Variants in LMBRD1 observed in about 807,000 individuals in gnomAD.
LMBRD1 encodes LMBR1 domain containing 1, also known as lysosomal cobalamin transport escort protein LMBD1.
Under a neutral mutation model 74.8 loss-of-function variants are expected in LMBRD1, and 64 were observed. That is an observed-to-expected ratio of 0.86 (90% confidence interval 0.70 to 1.05). The LOEUF is 1.05. Among genes scored for constraint, LMBRD1 ranks in the 50% least tolerant of loss-of-function variants. The pLI, the probability that LMBRD1 is intolerant of heterozygous loss-of-function variation, is 0.00. For synonymous variants in LMBRD1, 204 were observed against 216.3 expected, an observed-to-expected ratio of 0.94 and a Z score of 0.50; for missense variants, 652 against 645.9, an observed-to-expected ratio of 1.01 and a Z score of -0.10.
chr6:69,755,473 C>T (rs1343791843), intron 3 of LMBRD1, among the ~76,000 whole-genome samples: 1 of 151,656 alleles, frequency 6.6e-6, no homozygotes, highest in Non-Finnish European at 1.5e-5. Flanking sequence ...GGACAAATAC[C>T]TAATGCATGC....
chr6:69,777,503 G>A (rs1765730794), intron 3 of LMBRD1, among the ~76,000 whole-genome samples: 2 of 151,118 alleles, frequency 1.3e-5, no homozygotes, highest in Admixed American at 6.6e-5. Context: ...GGAGTTCAGT[G>A]CTGCTAATCC....
At chr6:69,716,472 T>A (rs1043340786) in intron 8 of LMBRD1, among the ~76,000 whole-genome samples, 2 of 152,166 alleles carry the variant, frequency 1.3e-5, no homozygotes, top group Admixed American at 6.6e-5. Context: ...CTTCTCTTTT[T>A]ATATTTATTT....
chr6:69,714,759 T>C (rs145906317), intron 8 of LMBRD1, among the ~76,000 whole-genome samples: 82 of 152,226 alleles, frequency 5.4e-4, no homozygotes, highest in African/African-American at 1.9e-3. Flanking sequence ...TAACCTTTAA[T>C]AAAGAGATTT....
At chr6:69,776,160 T>C (rs1192861115) in intron 3 of LMBRD1, among the ~76,000 whole-genome samples, 1 of 152,248 alleles carries the variant, frequency 6.6e-6, no homozygotes, top group Non-Finnish European at 1.5e-5. Context: ...GTCAACTGTC[T>C]TATTTGGCAT....
intron 8 of LMBRD1, among the ~76,000 whole-genome samples, chr6:69,716,220 T>G (rs1354803075): frequency 6.6e-6 from 1 of 152,206 alleles, no homozygotes; most frequent in Non-Finnish European, 1.5e-5. Flanking sequence ...GTTGAACTAA[T>G]TTGCACTTCT....
chr6:69,790,519 C>T, intron 1 of LMBRD1, 47 bp from the exon 2 acceptor site: 5 of 1,577,348 alleles, frequency 3.2e-6, no homozygotes, highest in Non-Finnish European at 4.4e-6. Flanking sequence ...AGTGTATTTT[C>T]TCTGATTTTT....
At chr6:69,754,114 G>A (rs796673191) in intron 3 of LMBRD1, among the ~76,000 whole-genome samples, 6 of 151,580 alleles carry the variant, frequency 4.0e-5, no homozygotes, top group African/African-American at 9.7e-5. Flanking sequence ...ACAGAAAGTA[G>A]GACGGTGGTT....
intron 1 of LMBRD1, 73 bp downstream of exon 1, chr6:69,796,740 G>T: frequency 7.0e-7 from 1 of 1,435,238 alleles, no homozygotes; most frequent in Non-Finnish European, 9.7e-7. Flanking sequence ...GCCCGGAGAG[G>T]CCAACTGCAG....
At chr6:69,697,405 C>A (rs1427737326) in intron 14 of LMBRD1, among the ~76,000 whole-genome samples, 158 bp downstream of exon 14, 1 of 152,052 alleles carries the variant, frequency 6.6e-6, no homozygotes, top group Non-Finnish European at 1.5e-5. Context: ...ATCCTTTCAT[C>A]AACAAGAAAT....
chr6:69,740,743 A>T (rs1277727068), intron 6 of LMBRD1, among the ~76,000 whole-genome samples: 1 of 152,176 alleles, frequency 6.6e-6, no homozygotes, highest in African/African-American at 2.4e-5. Context: ...TCAAAAAAGC[A>T]ATTTTTCTGC....
Position 69,754,059 on chromosome 6 carries a change from T to C in LMBRD1, c.308-1703A>G, listed in dbSNP as rs1318614688. On this transcript the variant is annotated intron_variant, in intron 3 of 15. Coordinates refer to ENST00000649934, the MANE Select transcript of LMBRD1 (RefSeq NM_018368.4). ...CAGTCACAAAAAGACAAATACGATA[T>C]GACTCTACTTATATGAGGTACTGAG... 7.2e-5 allele frequency among the ~76,000 whole-genome samples: 11 copies of C among 152,038 alleles called. 1 individual carries two copies. The highest frequency in any genetic ancestry group is 7.2e-4 in the Admixed American group (11 of 15,262).
At chr6:69,710,916 A>G (rs1420946218) in intron 9 of LMBRD1, among the ~76,000 whole-genome samples, 2 of 152,176 alleles carry the variant, frequency 1.3e-5, no homozygotes. Flanking sequence ...TCTTATAAAC[A>G]TATTAAACGT....
intron 1 of LMBRD1, 123 bp from the exon 2 acceptor site, chr6:69,790,595 G>A: frequency 1.1e-6 from 1 of 937,980 alleles, no homozygotes; most frequent in South Asian, 1.4e-5. Flanking sequence ...GTTGTGTAAG[G>A]AAAGCCCACT....
chr6:69,731,248 G>C (rs1582097720), intron 7 of LMBRD1, among the ~76,000 whole-genome samples: 1 of 152,036 alleles, frequency 6.6e-6, no homozygotes, highest in African/African-American at 2.4e-5. Context: ...GTGTTCAATA[G>C]ATCAGTAGGG....
chr6:69,679,910 A>G (rs1294692792), intron 14 of LMBRD1, among the ~76,000 whole-genome samples: 1 of 152,158 alleles, frequency 6.6e-6, no homozygotes, highest in African/African-American at 2.4e-5. Context: ...TCTGCAAGGT[A>G]TAGAGAACAA....
At chr6:69,796,724 TCCGGGGC>T in intron 1 of LMBRD1, 82 bp downstream of exon 1, 2 of 1,240,734 alleles carry the variant, frequency 1.6e-6, no homozygotes, top group Non-Finnish European at 2.3e-6. Context: ...GAAGAGGGTC[TCCGGGGC>T]CCGGAGAGGC....
At chr6:69,692,042 A>C (rs1030084462) in intron 14 of LMBRD1, among the ~76,000 whole-genome samples, 3 of 152,140 alleles carry the variant, frequency 2.0e-5, no homozygotes. Flanking sequence ...TCTTTCTTAC[A>C]TTATTATTTA....
intron 9 of LMBRD1, chr6:69,705,367 TGAACTTGGCTTCCACTTTGGGAAGA>T (rs1214372391): frequency 1.2e-6 from 1 of 835,122 alleles, no homozygotes; most frequent in Non-Finnish European, 2.1e-6. Flanking sequence ...ATATAATTGA[TGAACTTGGCTTCCACTTTGGGAAGA>T]GAACCACCTT....
intron 9 of LMBRD1, chr6:69,705,860 G>A (rs1182999236): frequency 1.7e-5 from 23 of 1,335,084 alleles, no homozygotes; most frequent in Non-Finnish European, 2.1e-5. Flanking sequence ...CACTTCAACC[G>A]TAAGACCACT....
Sources: gnomAD v4.1 joint callset for allele counts (sites outside exome capture counted in the v4.1 genomes callset) on GRCh38, gnomAD v4.1.1 for gene constraint, MANE v1.5 for transcripts, NCBI Gene and HGNC (gene_info 2026-07-23, HGNC 2026-07-21) for gene names.